AURKC: variants seen among roughly 807,000 people sequenced by gnomAD.
AURKC encodes the protein aurora kinase C.
Under a neutral mutation model 29.2 loss-of-function variants are expected in AURKC, and 15 were observed. That is an observed-to-expected ratio of 0.51 (90% CI 0.34 to 0.79). AURKC has a LOEUF of 0.79. Among genes scored for constraint, AURKC ranks in the 30% least tolerant of loss-of-function variants. The pLI is 0.01. For synonymous variants in AURKC, 150 were observed against 149.9 expected, an observed-to-expected ratio of 1.00 and a Z score of -0.01; for missense variants, 332 against 383.2, an observed-to-expected ratio of 0.87 and a Z score of 1.12.
Position 57,232,315 on chromosome 19 carries a change from A to T in AURKC, c.296+91A>T. The stretch of plus-strand genomic sequence containing the variant: ...AACCCCAAGTAAACCCTGCACTTGT[A>T]CCTTGAAGACTTCTCTGCAGTTCAT... On this transcript the variant is annotated intron_variant, in intron 3 of 6. Coordinates refer to ENST00000302804, the MANE Select transcript of AURKC (RefSeq NM_001015878.2). The surrounding 1 kb of genome is among the most constrained non-coding windows in gnomAD (Gnocchi z 4.5). The T allele has an allele frequency of 6.6e-7, 1 of 1,505,834 alleles. No individual in the cohort carries two copies. The highest frequency in any genetic ancestry group is 9.1e-7 in the Non-Finnish European group (1 of 1,102,012). 93.3% of individuals were successfully genotyped at this position (1,505,834 alleles called of 1,614,324 possible).
At chr19:57,231,414 C>T (rs2122800117) in intron 1 of AURKC, 108 bp downstream of exon 1, 3 of 1,261,746 alleles carry the variant, frequency 2.4e-6, no homozygotes, top group East Asian at 5.1e-5. Flanking sequence ...CTCCTCCTCC[C>T]CAACGCTCTT....
Position 57,235,004 on chromosome 19 carries a change from ATAT to A in AURKC, c.706_708del (p.Tyr236del). 3 of 1,614,126 alleles carry A rather than the reference ATAT, an allele frequency of 1.9e-6. No individual in the cohort carries two copies. The highest frequency in any genetic ancestry group is 2.5e-6 in the Non-Finnish European group (3 of 1,180,030). On this transcript the variant is annotated inframe_deletion, in exon 6 of 7. Coordinates refer to ENST00000302804, the MANE Select transcript of AURKC (RefSeq NM_001015878.2). ...TGCTCTGCTATGAGCTGCTGGTGGG[ATAT>A]CCACCCTTTGAGAGCGCCTCCCACA...
At position 57,232,496 on chromosome 19, in the gene AURKC, A is replaced by G. The variant is rs1421766837; in HGVS notation, c.297-46A>G. 1 of 1,613,814 alleles carries G rather than the reference A, an allele frequency of 6.2e-7. No homozygotes were observed. On this transcript the variant is annotated intron_variant, in intron 3 of 6. Coordinates refer to ENST00000302804, the MANE Select transcript of AURKC (RefSeq NM_001015878.2). The surrounding 1 kb of genome is among the most constrained non-coding windows in gnomAD (Gnocchi z 4.5). ...CAGGCAGTGACGGTGGCATCATATG[A>G]TAGGCCTCAGGGAGAAATCTGACTC...
chr19:57,231,253 G>A lies in AURKC; in HGVS notation c.5G>A (p.Ser2Asn), dbSNP rs1366855265. ...GCGCCCTCACCTCTTCTCCCCATGA[G>A]CTCCCCCAGAGCTGTGGTGCAGCTG... The part of the protein sequence containing the change: M[S>N]SPRAVVQLGK... The change falls in exon 1 of 7, where the codon AGC becomes AAC. Residue 2 changes from serine (S) to asparagine (N), a missense_variant. Ser to Asn is a conservative substitution (Grantham distance 46, BLOSUM62 1). Coordinates refer to ENST00000302804, the MANE Select transcript of AURKC (RefSeq NM_001015878.2). 6.4e-7 allele frequency: 1 copy of A among 1,551,974 alleles called. No individual in the cohort carries two copies. Among genetic ancestry groups the A allele is most frequent in the African/African-American group, 1.4e-5 (1 of 73,120 alleles).
In AURKC at chr19:57,232,567, A is replaced by G. The variant is rs758149112; in HGVS notation, c.322A>G (p.Asn108Asp). 7.4e-6 allele frequency: 12 copies of G among 1,614,168 alleles called. No homozygotes were observed. Among genetic ancestry groups the G allele is most frequent in the Non-Finnish European group, 9.3e-6 (11 of 1,180,038 alleles). Residue 108 changes from asparagine to aspartate, a missense_variant, in exon 4 of 7, where the codon AAC (asparagine) becomes GAC (aspartate). By Grantham distance (23) the Asn-to-Asp change is conservative. Transcript: ENST00000302804. The surrounding 1 kb of genome is among the most constrained non-coding windows in gnomAD (Gnocchi z 4.5). ...ACACCCCAATATCCTGCGCCTGTAT[A>G]ACTATTTCCATGATGCACGCCGGGT... ...LQHPNILRLY[N>D]YFHDARRVYL...
chr19:57,234,247 G>A (rs2087524776), intron 5 of AURKC, among the ~76,000 whole-genome samples: 1 of 151,642 alleles, frequency 6.6e-6, no homozygotes, highest in African/African-American at 2.4e-5. Context: ...AGTAAAGACG[G>A]GTTTCACCAT....
chr19:57,233,332 A>G, intron 4 of AURKC, 128 bp from the exon 5 acceptor site: 1 of 1,354,154 alleles, frequency 7.4e-7, no homozygotes, highest in Non-Finnish European at 1.1e-6. Context: ...TGCAATTTAA[A>G]AGGAGGAAAT....
chr19:57,231,673 CT>C, intron 1 of AURKC, 68 bp from the exon 2 acceptor site: 4 of 1,580,496 alleles, frequency 2.5e-6, no homozygotes, highest in Middle Eastern at 1.7e-4. Context: ...TTCTCCTCTC[CT>C]CTCTTTCTCT....
intron 5 of AURKC, among the ~76,000 whole-genome samples, chr19:57,234,457 C>T (rs929069683): frequency 6.6e-6 from 1 of 152,132 alleles, no homozygotes; most frequent in African/African-American, 2.4e-5. Flanking sequence ...TAATATATAA[C>T]TATACCAGTA....
chr19:57,232,344 A>T lies in AURKC; in HGVS notation c.296+120A>T. ...TGAAGACTTCTCTGCAGTTCATTCCATTTACACTACCTCCTACCCTGGGTC... is the reference window on the plus strand; with the variant it reads ...TGAAGACTTCTCTGCAGTTCATTCCTTTTACACTACCTCCTACCCTGGGTC... On this transcript the variant is annotated intron_variant, in intron 3 of 6. Coordinates refer to ENST00000302804, the MANE Select transcript of AURKC (RefSeq NM_001015878.2). This position sits in a 1 kb window ranked among gnomAD's most constrained non-coding sequence, Gnocchi z 4.5. The T allele has an allele frequency of 7.1e-7, 1 of 1,417,036 alleles. No homozygotes were observed. The highest frequency in any genetic ancestry group is 9.8e-7 in the Non-Finnish European group (1 of 1,025,318). 87.8% of individuals were successfully genotyped at this position (1,417,036 alleles called of 1,614,324 possible).
At chr19:57,231,665 C>T in intron 1 of AURKC, 77 bp from the exon 2 acceptor site, 1 of 1,529,756 alleles carries the variant, frequency 6.5e-7, no homozygotes, top group Non-Finnish European at 9.0e-7. Context: ...CTCTACTGTT[C>T]TCCTCTCCTC....
At position 57,231,807 on chromosome 19, in the gene AURKC, T is replaced by G. The variant is rs766263239; in HGVS notation, c.104+20T>G. On this transcript the variant is annotated intron_variant, in intron 2 of 6. Coordinates refer to ENST00000302804, the MANE Select transcript of AURKC (RefSeq NM_001015878.2). ...AGCCATGTGAGTCCCTTGGGATTGG[T>G]ATCTGGAAAAGGAAGGAAGGTGGGA... is the stretch of plus-strand genomic sequence containing the variant. 7 of 1,613,640 alleles carry G rather than the reference T, an allele frequency of 4.3e-6. No homozygotes were observed. The highest frequency in any genetic ancestry group is 5.9e-6 in the Non-Finnish European group (7 of 1,179,904).
chr19:57,233,754 C>T lies in AURKC; in HGVS notation c.584+146C>T, dbSNP rs113522041. On this transcript the variant is annotated intron_variant, in intron 5 of 6. Transcript: ENST00000302804. ...CTGCCTTTTTCTTTTCTTTTCTTTT[C>T]TTTTTTTTTTTGAGACAGAGTCTAA... The T allele has an allele frequency of 4.1e-3, 3,806 of 921,382 alleles. 88 individuals carry two copies. The African/African-American group carries it at 0.058, about 14-fold the overall frequency. The allele number at this position is 921,382 out of a possible 1,614,324, so 57.1% of individuals were successfully genotyped here. A position where few individuals can be genotyped will look rare whatever the true frequency, so the allele number is the denominator to read the frequency against.
At position 57,231,786 on chromosome 19, in the gene AURKC, A is replaced by T. The variant is rs772011888; in HGVS notation, c.103A>T (p.Met35Leu). 2.1e-5 allele frequency: 34 copies of T among 1,613,440 alleles called. No homozygotes were observed. Among genetic ancestry groups the T allele is most frequent in the Non-Finnish European group, 2.6e-5 (31 of 1,179,660 alleles). ...QTAQQPSSPA[M>L]RRLTVDDFEI... ...AGCCCAGCAGCCCAGCAGCCCAGCC[A>T]TGTGAGTCCCTTGGGATTGGTATCT... is the stretch of plus-strand genomic sequence containing the variant. The change falls in exon 2 of 7, where the codon ATG becomes TTG. Residue 35 changes from methionine (M) to leucine (L), a missense_variant and splice_region_variant. Met to Leu is a conservative substitution (Grantham distance 15). Coordinates refer to ENST00000302804, the MANE Select transcript of AURKC (RefSeq NM_001015878.2).
In AURKC at chr19:57,232,450, A is replaced by C; in HGVS notation, c.297-92A>C. 1 of 1,592,660 alleles carries C rather than the reference A, an allele frequency of 6.3e-7. No individual in the cohort carries two copies. Among genetic ancestry groups the C allele is most frequent in the East Asian group, 2.2e-5 (1 of 44,812 alleles). On this transcript the variant is annotated intron_variant, in intron 3 of 6. Coordinates refer to ENST00000302804, the MANE Select transcript of AURKC (RefSeq NM_001015878.2). This position sits in a 1 kb window ranked among gnomAD's most constrained non-coding sequence, Gnocchi z 4.5. ...GGGCTGTTGTTATTCTGGTCCCAGC[A>C]TAATTTGCCACTTGTGTGACCAGGC...
At chr19:57,233,733 C>A in intron 5 of AURKC, 125 bp downstream of exon 5, 1 of 1,309,092 alleles carries the variant, frequency 7.6e-7, no homozygotes. Flanking sequence ...GGAATACTGC[C>A]TTTTTCTTTT....
Position 57,232,325 on chromosome 19 carries a change from C to G in AURKC, c.296+101C>G. The G allele has an allele frequency of 1.4e-6, 2 of 1,481,290 alleles. No homozygotes were observed. Among genetic ancestry groups the G allele is most frequent in the Non-Finnish European group, 9.2e-7 (1 of 1,082,052 alleles). 91.8% of individuals were successfully genotyped at this position (1,481,290 alleles called of 1,614,324 possible). On this transcript the variant is annotated intron_variant, in intron 3 of 6. Coordinates refer to ENST00000302804, the MANE Select transcript of AURKC (RefSeq NM_001015878.2). This position sits in a 1 kb window ranked among gnomAD's most constrained non-coding sequence, Gnocchi z 4.5. ...AAACCCTGCACTTGTACCTTGAAGA[C>G]TTCTCTGCAGTTCATTCCATTTACA... is the stretch of plus-strand genomic sequence containing the variant.
intron 1 of AURKC, 197 bp downstream of exon 1, chr19:57,231,503 C>G (rs560484034): frequency 2.7e-6 from 2 of 752,588 alleles, no homozygotes; most frequent in East Asian, 5.4e-5. Context: ...CCCTTCCTTT[C>G]TCTCTGCCTC....
chr19:57,232,842 A>T lies in AURKC; in HGVS notation c.435+162A>T, dbSNP rs2087507886. Among the ~76,000 whole-genome samples the T allele has an allele frequency of 6.6e-6, 1 of 152,154 alleles. No individual in the cohort carries two copies. The highest frequency in any genetic ancestry group is 1.5e-5 in the Non-Finnish European group (1 of 68,010). ...AATGGCACGTATGTTCTACAGCTTT[A>T]TCCTTGGATACCCTAATTAACCTCA... On this transcript the variant is annotated intron_variant, in intron 4 of 6. Transcript: ENST00000302804. The surrounding 1 kb of genome is among the most constrained non-coding windows in gnomAD (Gnocchi z 4.5).
Sources: gnomAD v4.1 joint callset for allele counts (sites outside exome capture counted in the v4.1 genomes callset) on GRCh38, gnomAD v4.1.1 for gene constraint, Gnocchi (gnomAD v3.1) non-coding constraint, MANE v1.5 for transcripts, NCBI Gene and HGNC (gene_info 2026-07-23, HGNC 2026-07-21) for gene names.